SHISA9: variants seen among roughly 807,000 people sequenced by gnomAD.
SHISA9 encodes shisa family member 9.
A neutral mutation model predicts 38.0 loss-of-function variants in SHISA9; 13 were observed. The observed-to-expected ratio is 0.34, with a 90% confidence interval of 0.22 to 0.54. The LOEUF is 0.54. Ranked by LOEUF, SHISA9 falls within the 20% of genes least tolerant of loss-of-function variation. The probability of loss-of-function intolerance (pLI) is 0.91; values close to 1 mark genes in which losing one functional copy is unlikely to be tolerated. For synonymous variants in SHISA9, 275 were observed against 242.0 expected, an observed-to-expected ratio of 1.14 and a Z score of -1.27; for missense variants, 538 against 575.8, an observed-to-expected ratio of 0.93 and a Z score of 0.67.
At chr16:13,017,951 T>C (rs956288591) in intron 2 of SHISA9, among the ~76,000 whole-genome samples, 2 of 152,240 alleles carry the variant, frequency 1.3e-5, no homozygotes, top group African/African-American at 4.8e-5. Context: ...CCCACCTGTA[T>C]TCCCTTCTCA....
intron 2 of SHISA9, among the ~76,000 whole-genome samples, chr16:13,105,454 C>T (rs539936171): frequency 2.2e-4 from 34 of 152,304 alleles, no homozygotes; most frequent in African/African-American, 7.0e-4. Flanking sequence ...GGCTCCTGGG[C>T]TTCTGCTTCC....
At chr16:13,171,246 C>A (rs1033843846) in intron 2 of SHISA9, among the ~76,000 whole-genome samples, 1 of 152,130 alleles carries the variant, frequency 6.6e-6, no homozygotes, top group Non-Finnish European at 1.5e-5. Flanking sequence ...GGATCCACCC[C>A]CATGACCCAA....
At chr16:13,169,417 C>T (rs1398755897) in intron 2 of SHISA9, among the ~76,000 whole-genome samples, 2 of 152,096 alleles carry the variant, frequency 1.3e-5, no homozygotes, top group African/African-American at 4.8e-5. Flanking sequence ...GCCCTTTTAA[C>T]ACTGAAAGGC....
At chr16:13,528,910 C>T in the SHISA9 span, among the ~76,000 whole-genome samples, 33 of 152,298 alleles carry the variant, frequency 2.2e-4, no homozygotes, top group African/African-American at 7.2e-4. Flanking sequence ...CAGTCAGGGG[C>T]AAGTTCCACT....
chr16:12,997,057 A>G (rs537443422), intron 2 of SHISA9, among the ~76,000 whole-genome samples: 1 of 152,288 alleles, frequency 6.6e-6, no homozygotes, highest in African/African-American at 2.4e-5. Flanking sequence ...ACATGCATAT[A>G]GCCCTGCAAC....
At chr16:13,290,501 C>G in the SHISA9 span, among the ~76,000 whole-genome samples, 4 of 152,082 alleles carry the variant, frequency 2.6e-5, no homozygotes, top group African/African-American at 9.6e-5. Flanking sequence ...TCTTGTTTTG[C>G]TGCCAATTAA....
chr16:13,169,297 C>T (rs1352797196), intron 2 of SHISA9, among the ~76,000 whole-genome samples: 1 of 152,194 alleles, frequency 6.6e-6, no homozygotes, highest in Non-Finnish European at 1.5e-5. Flanking sequence ...ATAGTGAAAA[C>T]AACACCATTT....
intron 2 of SHISA9, 99 bp downstream of exon 2, chr16:12,916,914 C>G: frequency 7.5e-7 from 1 of 1,340,826 alleles, no homozygotes; most frequent in Middle Eastern, 1.9e-4. Flanking sequence ...TAGTTAAGAG[C>G]TCTTTGTGGG....
At chr16:12,990,839 C>T (rs566230423) in intron 2 of SHISA9, among the ~76,000 whole-genome samples, 15 of 152,276 alleles carry the variant, frequency 9.9e-5, no homozygotes, top group South Asian at 8.3e-4. Flanking sequence ...AACATCTCTG[C>T]GCATTAAACC....
the SHISA9 span, among the ~76,000 whole-genome samples, chr16:13,265,450 C>T: frequency 1.8e-5 from 2 of 111,672 alleles, no homozygotes; most frequent in Admixed American, 9.9e-5. Flanking sequence ...TTCTCTTTCT[C>T]TCCCTTCCCT....
chr16:13,533,293 G>A, the SHISA9 span, among the ~76,000 whole-genome samples: 2 of 152,138 alleles, frequency 1.3e-5, no homozygotes, highest in Admixed American at 6.5e-5. Flanking sequence ...GGCAAGCCAC[G>A]TCTAGATTAA....
At chr16:13,034,991 GC>G (rs2073036814) in intron 2 of SHISA9, among the ~76,000 whole-genome samples, 1 of 152,094 alleles carries the variant, frequency 6.6e-6, no homozygotes, top group Non-Finnish European at 1.5e-5. Flanking sequence ...CTAATAAAAT[GC>G]TTTTTTTAAA....
At chr16:13,412,022 G>A in the SHISA9 span, among the ~76,000 whole-genome samples, 42 of 152,242 alleles carry the variant, frequency 2.8e-4, no homozygotes, top group South Asian at 8.7e-3. Flanking sequence ...GTTCATCTCT[G>A]CCATGTCTGG....
the SHISA9 span, among the ~76,000 whole-genome samples, chr16:13,376,141 C>A: frequency 6.6e-6 from 1 of 152,184 alleles, no homozygotes; most frequent in Admixed American, 6.5e-5. Context: ...CTGAAAAATT[C>A]TGCTCATAAT....
intron 2 of SHISA9, among the ~76,000 whole-genome samples, chr16:13,031,527 A>C (rs1412926283): frequency 2.0e-5 from 3 of 152,194 alleles, no homozygotes; most frequent in Non-Finnish European, 4.4e-5. Flanking sequence ...ACAAGTAGGC[A>C]GCCAAGGGTA....
chr16:13,112,265 A>G (rs2073986279), intron 2 of SHISA9, among the ~76,000 whole-genome samples: 1 of 152,132 alleles, frequency 6.6e-6, no homozygotes, highest in African/African-American at 2.4e-5. Flanking sequence ...GAGAAATTCA[A>G]TGCATATTTG....
chr16:13,145,080 T>A (rs1056433591), intron 2 of SHISA9, among the ~76,000 whole-genome samples: 4 of 152,194 alleles, frequency 2.6e-5, no homozygotes, highest in Non-Finnish European at 5.9e-5. Flanking sequence ...CTGCTTCCCA[T>A]GTGTTCCTTG....
At chr16:13,146,529 A>G (rs116636848) in intron 2 of SHISA9, among the ~76,000 whole-genome samples, 285 of 152,260 alleles carry the variant, frequency 1.9e-3, no homozygotes, top group African/African-American at 6.6e-3. Flanking sequence ...AGACAACTCA[A>G]TTGTACTCTT....
chr16:13,002,297 AC>A (rs1286225358), intron 2 of SHISA9, among the ~76,000 whole-genome samples: 28 of 152,258 alleles, frequency 1.8e-4, no homozygotes, highest in African/African-American at 6.3e-4. Flanking sequence ...CTAAACAGTG[AC>A]CTTTTATTGA....
Sources: allele counts gnomAD v4.1 joint callset (sites outside exome capture counted in the v4.1 genomes callset), GRCh38; gene constraint gnomAD v4.1.1; transcripts MANE v1.5; gene names NCBI Gene and HGNC (gene_info 2026-07-23, HGNC 2026-07-21).